The following PHF14 variants were observed in gnomAD, a reference collection of about 807,000 sequenced individuals.
The protein encoded by PHF14 is PHD finger protein 14.
In PHF14, 55 loss-of-function variants were observed where a neutral mutation model predicts 117.9. The ratio of observed to expected loss-of-function variants is 0.47; its 90% CI spans 0.38 to 0.58. The LOEUF (loss-of-function observed/expected upper bound fraction) is 0.58, where lower values mean the gene tolerates loss of function less well. Ranked by LOEUF, PHF14 falls within the 20% of genes least tolerant of loss-of-function variation. The pLI, the probability that PHF14 is intolerant of heterozygous loss-of-function variation, is 0.00. For missense variants in PHF14, 978 were observed against 1,122.2 expected (o/e 0.87, Z 1.84); for synonymous variants, 409 against 368.6 (o/e 1.11, Z -1.26).
rs548673710 is a variant in PHF14 at position 11,089,445 on chromosome 7, C to A, written c.2655-21905C>A. Reference sequence around the variant, plus strand: ...GTGGCTCATACCTGTAATCCCAGCACCTAGGGAGGCAGAGGTGGGAGGATG... The same window carrying A: ...GTGGCTCATACCTGTAATCCCAGCAACTAGGGAGGCAGAGGTGGGAGGATG... On this transcript the variant is annotated intron_variant, in intron 16 of 17. Coordinates refer to ENST00000634607, the MANE Select transcript of PHF14 (RefSeq NM_001007157.2). 5.3e-5 allele frequency among the ~76,000 whole-genome samples: 8 copies of A among 152,134 alleles called. No individual in the cohort carries two copies. In the East Asian group the frequency reaches 1.5e-3, roughly 29 times the overall value.
At chr7:11,084,201 TAC>T (rs200820924) in intron 16 of PHF14, among the ~76,000 whole-genome samples, 42 of 152,292 alleles carry the variant, frequency 2.8e-4, no homozygotes, top group African/African-American at 9.9e-4. Flanking sequence ...TCAAAATATG[TAC>T]ACACACACAA....
intron 17 of PHF14, among the ~76,000 whole-genome samples, chr7:11,164,058 C>T (rs533470295): frequency 7.1e-4 from 108 of 152,208 alleles, no homozygotes; most frequent in African/African-American, 2.5e-3. Context: ...ACTGTTCCTT[C>T]TCTGGTTAGT....
In PHF14 at chr7:11,123,032, ACTT is replaced by A. The variant is rs905053747; in HGVS notation, c.2772+11571_2772+11573del. Among the ~76,000 whole-genome samples, 11 of 152,188 alleles carry A rather than the reference ACTT, an allele frequency of 7.2e-5. No homozygotes were observed. In the East Asian group the frequency reaches 9.7e-4, roughly 13 times the overall value. On this transcript the variant is annotated intron_variant, in intron 17 of 17. Coordinates refer to ENST00000634607, the MANE Select transcript of PHF14 (RefSeq NM_001007157.2). ...AATACTTCTTTCTCGCCTTCAGTGA[ACTT>A]CTTCTCTCCTGCGTTTGCCTTTTCT... is the stretch of plus-strand genomic sequence containing the variant.
At chr7:11,128,705 C>T (rs554976422) in intron 17 of PHF14, among the ~76,000 whole-genome samples, 10 of 151,704 alleles carry the variant, frequency 6.6e-5, no homozygotes, top group South Asian at 6.3e-4. Context: ...TCTCTCCCCC[C>T]GCCCCCACTG....
At chr7:11,047,470 G>T (rs1251113530) in intron 13 of PHF14, among the ~76,000 whole-genome samples, 1 of 151,816 alleles carries the variant, frequency 6.6e-6, no homozygotes, top group Non-Finnish European at 1.5e-5. Flanking sequence ...GGTTGTAGTT[G>T]TATGGTGCTA....
intron 17 of PHF14, among the ~76,000 whole-genome samples, chr7:11,122,398 C>CATAT (rs199497476): frequency 2.4e-5 from 3 of 123,532 alleles, no homozygotes; most frequent in African/African-American, 6.4e-5. Context: ...CATACACACA[C>CATAT]ATATATATAT....
At chr7:11,122,960 T>A (rs1469191644) in intron 17 of PHF14, among the ~76,000 whole-genome samples, 1 of 152,216 alleles carries the variant, frequency 6.6e-6, no homozygotes, top group Non-Finnish European at 1.5e-5. Flanking sequence ...CCTCTATTAT[T>A]CTGTGTCATG....
intron 16 of PHF14, among the ~76,000 whole-genome samples, chr7:11,069,595 C>T (rs1008530589): frequency 6.7e-5 from 10 of 149,420 alleles, no homozygotes; most frequent in South Asian, 2.2e-4. Context: ...TCTCTGTGAA[C>T]GTATTCCCTC....
At chr7:11,008,601 C>T (rs989640589) in intron 4 of PHF14, among the ~76,000 whole-genome samples, 1 of 152,108 alleles carries the variant, frequency 6.6e-6, no homozygotes, top group African/African-American at 2.4e-5. Context: ...ATCCCCCTGT[C>T]CCATCCATGG....
chr7:11,115,548 T>G (rs1378190292), intron 17 of PHF14, among the ~76,000 whole-genome samples: 1 of 152,042 alleles, frequency 6.6e-6, no homozygotes, highest in Non-Finnish European at 1.5e-5. Flanking sequence ...AATGTAGTTA[T>G]CATACCTCTG....
At chr7:11,041,709 C>T (rs1011123103) in intron 12 of PHF14, among the ~76,000 whole-genome samples, 5 of 151,882 alleles carry the variant, frequency 3.3e-5, no homozygotes, top group South Asian at 4.1e-4. Context: ...TTTTCAAACA[C>T]GGTTGGTTCA....
At position 11,006,744 on chromosome 7, in the gene PHF14, G is replaced by C. The variant is rs1783118055; in HGVS notation, c.1046-7003G>C. ...TGTCTTGGGCTGCTGGAAGGTGGGT[G>C]ACATGCGGATCTTCTTTTTTGGTGG... On this transcript the variant is annotated intron_variant, in intron 4 of 17. Coordinates refer to ENST00000634607, the MANE Select transcript of PHF14 (RefSeq NM_001007157.2). 3 of 689,190 alleles carry C rather than the reference G, an allele frequency of 4.4e-6. No homozygotes were observed. In the East Asian group the frequency reaches 8.7e-5, roughly 20 times the overall value. 42.7% of individuals were successfully genotyped at this position (689,190 alleles called of 1,614,324 possible).
chr7:11,006,723 T>C (rs1324897906), intron 4 of PHF14: 2 of 666,326 alleles, frequency 3.0e-6, no homozygotes, highest in Non-Finnish European at 5.6e-6. Flanking sequence ...TCTCAGTGTC[T>C]TGGGCTGCTG....
At chr7:11,115,543 A>T (rs970238699) in intron 17 of PHF14, among the ~76,000 whole-genome samples, 1 of 151,998 alleles carries the variant, frequency 6.6e-6, no homozygotes, top group African/African-American at 2.4e-5. Flanking sequence ...CTGAAAATGT[A>T]GTTATCATAC....
intron 17 of PHF14, among the ~76,000 whole-genome samples, chr7:11,120,015 T>A (rs1316945235): frequency 6.6e-6 from 1 of 151,118 alleles, no homozygotes; most frequent in African/African-American, 2.4e-5. Flanking sequence ...ATTGTGTATC[T>A]ATAAGCAGTT....
intron 17 of PHF14, among the ~76,000 whole-genome samples, chr7:11,148,517 A>G (rs1788616270): frequency 6.6e-6 from 1 of 152,164 alleles, no homozygotes; most frequent in Admixed American, 6.5e-5. Context: ...ACCTTGCCTA[A>G]GAGAACATGT....
intron 11 of PHF14, among the ~76,000 whole-genome samples, chr7:11,039,983 A>G (rs1473506356): frequency 3.3e-5 from 5 of 152,164 alleles, no homozygotes; most frequent in Non-Finnish European, 7.4e-5. Flanking sequence ...TTCTCATAAG[A>G]ATCTCCTGTT....
At chr7:11,014,600 G>C (rs1005189233) in intron 5 of PHF14, among the ~76,000 whole-genome samples, 12 of 152,130 alleles carry the variant, frequency 7.9e-5, no homozygotes, top group Non-Finnish European at 1.8e-4. Context: ...AGCTGGGGCA[G>C]AGCACAGGAG....
chr7:11,121,842 T>C (rs1021467637), intron 17 of PHF14, among the ~76,000 whole-genome samples: 3 of 151,686 alleles, frequency 2.0e-5, no homozygotes, highest in Non-Finnish European at 4.4e-5. Context: ...TTCCAAACTG[T>C]TTATTTCTGG....
Sources: gnomAD v4.1 joint callset for allele counts (sites outside exome capture counted in the v4.1 genomes callset) on GRCh38, gnomAD v4.1.1 for gene constraint, MANE v1.5 for transcripts, NCBI Gene and HGNC (gene_info 2026-07-23, HGNC 2026-07-21) for gene names.